Variants in TNNI2 observed in about 807,000 individuals in gnomAD.
TNNI2 encodes the protein troponin I2, fast skeletal type.
A neutral mutation model predicts 26.5 loss-of-function variants in TNNI2; 14 were observed. The observed-to-expected ratio is 0.53, with a 90% confidence interval of 0.35 to 0.83. The LOEUF (loss-of-function observed/expected upper bound fraction) is 0.83, where lower values mean the gene tolerates loss of function less well. Ranked by LOEUF, TNNI2 falls within the 40% of genes least tolerant of loss-of-function variation. The pLI is 0.01. For synonymous variants in TNNI2, 126 were observed against 97.6 expected (o/e 1.29, Z -1.71); for missense variants, 205 against 248.5 (o/e 0.82, Z 1.18).
intron 7 of TNNI2, 70 bp downstream of exon 7, chr11:1,841,277 T>G: frequency 6.3e-7 from 1 of 1,585,686 alleles, no homozygotes; most frequent in Non-Finnish European, 8.6e-7. Context: ...CTGCCCCGCC[T>G]GGGGACCACC....
At chr11:1,840,790 C>G (rs760668360) in intron 5 of TNNI2, 29 bp from the exon 6 acceptor site, 1 of 1,602,804 alleles carries the variant, frequency 6.2e-7, no homozygotes, top group East Asian at 2.3e-5. Flanking sequence ...AGTGTCAGGA[C>G]GGCCGCCCGC....
Position 1,841,221 on chromosome 11 carries a change from G to C in TNNI2, c.453+14G>C, listed in dbSNP as rs1396672311. ...GACACAGAGAAGGTGCGTGCCACGG[G>C]GGGAGCACCACCACACCTACCCTGC... On this transcript the variant is annotated intron_variant, in intron 7 of 7. Transcript: ENST00000381911. 1.6e-5 allele frequency: 25 copies of C among 1,609,230 alleles called. No individual in the cohort carries two copies. The Admixed American group carries it at 4.0e-4, about 26-fold the overall frequency.
chr11:1,840,531 G>T lies in TNNI2; in HGVS notation c.61G>T (p.Val21Leu). ...ITARRQHLKS[V>L]MLQIAATELE... is the part of the protein sequence containing the mutation. Reference sequence around the variant, plus strand: ...CTCACCGCCTGCCCCACCGCAGAGTGTGATGCTGCAGATAGCGGCCACGGA... The same window carrying T: ...CTCACCGCCTGCCCCACCGCAGAGTTTGATGCTGCAGATAGCGGCCACGGA... The change falls in exon 5 of 8, where the codon GTG becomes TTG. Residue 21 changes from valine (V) to leucine (L), a missense_variant. By Grantham distance (32) the Val-to-Leu change is conservative (BLOSUM62 1). Coordinates refer to ENST00000381911, the MANE Select transcript of TNNI2 (RefSeq NM_003282.4). 2 of 1,612,186 alleles carry T rather than the reference G, an allele frequency of 1.2e-6. No homozygotes were observed. The highest frequency in any genetic ancestry group is 1.7e-6 in the Non-Finnish European group (2 of 1,179,670).
intron 1 of TNNI2, 164 bp from the exon 2 acceptor site, chr11:1,839,511 C>T: frequency 1.6e-6 from 1 of 633,480 alleles, no homozygotes; most frequent in East Asian, 2.9e-5. Context: ...AATTCCAAGA[C>T]ATTGTCCTTG....
chr11:1,841,589 TC>T lies in TNNI2; in HGVS notation c.*41del. The T allele has an allele frequency of 1.3e-6, 2 of 1,596,370 alleles. No individual in the cohort carries two copies. The highest frequency in any genetic ancestry group is 2.2e-5 in the South Asian group (2 of 90,616). On this transcript the variant is annotated 3_prime_UTR_variant, in exon 8 of 8. Coordinates refer to ENST00000381911, the MANE Select transcript of TNNI2 (RefSeq NM_003282.4). ...CCCTACGCCTGCCCCGGTGCCCGGC[TC>T]CCAGCAGAACATACTAGGGAGATGC...
rs1294196467 is a variant in TNNI2 at position 1,841,139 on chromosome 11, T to C, written c.385T>C (p.Ser129Pro). 2 of 1,613,218 alleles carry C rather than the reference T, an allele frequency of 1.2e-6. No homozygotes were observed. The highest frequency in any genetic ancestry group is 1.3e-5 in the African/African-American group (1 of 75,010). The change falls in exon 7 of 8, where the codon TCG becomes CCG. Residue 129 changes from serine (S) to proline (P), a missense_variant. Physicochemically the swap from Ser to Pro is moderately conservative, Grantham distance 74. Coordinates refer to ENST00000381911, the MANE Select transcript of TNNI2 (RefSeq NM_003282.4). ...ADAMLKALLG[S>P]KHKVCMDLRA... ...TGCCATGCTCAAGGCCCTGCTGGGC[T>C]CGAAGCACAAGGTGTGCATGGACCT...
chr11:1,839,955 G>T, intron 3 of TNNI2, 100 bp downstream of exon 3: 1 of 1,553,048 alleles, frequency 6.4e-7, no homozygotes. Flanking sequence ...GCCCAGAGAA[G>T]ATGGCCTGGC....
chr11:1,839,199 C>G (rs1320930502), intron 1 of TNNI2, among the ~76,000 whole-genome samples, 166 bp downstream of exon 1: 2 of 152,148 alleles, frequency 1.3e-5, no homozygotes, highest in Non-Finnish European at 2.9e-5. Flanking sequence ...TTTGGGGAGG[C>G]AGCTGTAGCG....
At chr11:1,839,226 C>T (rs1847110133) in intron 1 of TNNI2, among the ~76,000 whole-genome samples, 193 bp downstream of exon 1, 1 of 152,158 alleles carries the variant, frequency 6.6e-6, no homozygotes, top group Admixed American at 6.5e-5. Context: ...AGGTATTAGA[C>T]ACTCCCTGAC....
chr11:1,839,783 C>G, intron 2 of TNNI2, 66 bp from the exon 3 acceptor site: 1 of 1,612,310 alleles, frequency 6.2e-7, no homozygotes, highest in Non-Finnish European at 8.5e-7. Flanking sequence ...ACTCCGACCC[C>G]GCCAGCCATG....
At chr11:1,840,322 C>G (rs1448007199) in intron 3 of TNNI2, 81 bp from the exon 4 acceptor site, 3 of 1,552,330 alleles carry the variant, frequency 1.9e-6, no homozygotes, top group Non-Finnish European at 2.6e-6. Context: ...GAGCCCCTGA[C>G]CTGGCCAGGG....
At position 1,839,842 on chromosome 11, in the gene TNNI2, T is replaced by A; in HGVS notation, c.9-7T>A. ...CCGTCCTGCCTGCGTCCTCCCTCCC[T>A]GGACAGTGAGGAGGTAAGTAGTTGC... On this transcript the variant is annotated splice_region_variant and splice_polypyrimidine_tract_variant and intron_variant, in intron 2 of 7. Coordinates refer to ENST00000381911, the MANE Select transcript of TNNI2 (RefSeq NM_003282.4). 6.2e-7 allele frequency: 1 copy of A among 1,613,806 alleles called. No individual in the cohort carries two copies. The highest frequency in any genetic ancestry group is 8.5e-7 in the Non-Finnish European group (1 of 1,179,864).
intron 1 of TNNI2, 78 bp from the exon 2 acceptor site, chr11:1,839,597 C>G: frequency 1.9e-6 from 3 of 1,545,066 alleles, no homozygotes; most frequent in Non-Finnish European, 2.7e-6. Context: ...GCCCTGAACC[C>G]CTCACCACCT....
At position 1,840,964 on chromosome 11, in the gene TNNI2, G is replaced by A. The variant is rs537733511; in HGVS notation, c.276+56G>A. On this transcript the variant is annotated intron_variant, in intron 6 of 7. Transcript: ENST00000381911. ...GGGTAGGCGGTGGCCCAGCGGGCAG[G>A]CGGGGCGGGCCGGGGAGGCCGAGAC... 58 of 1,584,000 alleles carry A rather than the reference G, an allele frequency of 3.7e-5. No homozygotes were observed. The Middle Eastern group carries it at 5.0e-4, about 14-fold the overall frequency.
rs577631864 is a variant in TNNI2, at chr11:1,840,978, G to A, written c.277-53G>A. The A allele has an allele frequency of 6.7e-5, 106 of 1,586,734 alleles. 1 individual carries two copies. The South Asian group carries it at 6.8e-4, about 10-fold the overall frequency. ...CCAGCGGGCAGGCGGGGCGGGCCGG[G>A]GAGGCCGAGACCACCGGGACCTCGG... is the stretch of plus-strand genomic sequence containing the variant. On this transcript the variant is annotated intron_variant, in intron 6 of 7. Coordinates refer to ENST00000381911, the MANE Select transcript of TNNI2 (RefSeq NM_003282.4).
At position 1,841,210 on chromosome 11, in the gene TNNI2, G is replaced by T; in HGVS notation, c.453+3G>T. 1 of 1,611,232 alleles carries T rather than the reference G, an allele frequency of 6.2e-7. No homozygotes were observed. The highest frequency in any genetic ancestry group is 8.5e-7 in the Non-Finnish European group (1 of 1,179,906). On this transcript the variant is annotated splice_donor_region_variant and intron_variant, in intron 7 of 7. Coordinates refer to ENST00000381911, the MANE Select transcript of TNNI2 (RefSeq NM_003282.4). ...TCAAGAAGGAGGACACAGAGAAGGTGCGTGCCACGGGGGGAGCACCACCAC... is the reference window on the plus strand; with the variant it reads ...TCAAGAAGGAGGACACAGAGAAGGTTCGTGCCACGGGGGGAGCACCACCAC...
At chr11:1,839,900 C>T in intron 3 of TNNI2, 45 bp downstream of exon 3, 1 of 1,612,912 alleles carries the variant, frequency 6.2e-7, no homozygotes, top group Non-Finnish European at 8.5e-7. Context: ...GAGGGGGCTC[C>T]CCCAACTCAG....
chr11:1,841,316 T>C, intron 7 of TNNI2, 109 bp downstream of exon 7: 2 of 1,536,906 alleles, frequency 1.3e-6, no homozygotes, highest in Admixed American at 3.5e-5. Context: ...GGGGGCCCTG[T>C]ACCACTGCCC....
chr11:1,840,622 C>T lies in TNNI2; in HGVS notation c.152C>T (p.Pro51Leu), dbSNP rs141603884. 44 of 1,612,770 alleles carry T rather than the reference C, an allele frequency of 2.7e-5. No homozygotes were observed. The highest frequency in any genetic ancestry group is 6.7e-5 in the Admixed American group (4 of 60,016). ...KQNYLAEHCP[P>L]LHIPGSMSEV... ...AACTACCTGGCGGAGCACTGCCCGCCGCTGCATATCCCGGGCTCCATGTCT... is the reference window on the plus strand; with the variant it reads ...AACTACCTGGCGGAGCACTGCCCGCTGCTGCATATCCCGGGCTCCATGTCT... Residue 51 changes from proline (P) to leucine (L), a missense_variant, in exon 5 of 8, where the codon CCG (proline) becomes CTG (leucine). By Grantham distance (98) the Pro-to-Leu change is moderately conservative. Coordinates refer to ENST00000381911, the MANE Select transcript of TNNI2 (RefSeq NM_003282.4).
Sources: gnomAD v4.1 joint callset for allele counts (sites outside exome capture counted in the v4.1 genomes callset) on GRCh38, gnomAD v4.1.1 for gene constraint, MANE v1.5 for transcripts, NCBI Gene and HGNC (gene_info 2026-07-23, HGNC 2026-07-21) for gene names.